NALF1: variants seen among roughly 807,000 people sequenced by gnomAD.
NALF1 encodes the protein NALCN channel auxiliary factor 1, also known as family with sequence similarity 155 member A.
In NALF1, 3 loss-of-function variants were observed where a neutral mutation model predicts 48.4. The observed-to-expected ratio is 0.06, with a 90% CI of 0.03 to 0.16. The LOEUF (loss-of-function observed/expected upper bound fraction) is 0.16. Among genes scored for constraint, NALF1 ranks in the 10% least tolerant of loss-of-function variants. NALF1 has a pLI of 1.00. For synonymous variants in NALF1, 262 were observed against 245.7 expected, an observed-to-expected ratio of 1.07 and a Z score of -0.62; for missense variants, 526 against 571.5, an observed-to-expected ratio of 0.92 and a Z score of 0.81.
intron 1 of NALF1, among the ~76,000 whole-genome samples, chr13:107,722,852 C>A (rs984148606): frequency 4.6e-5 from 7 of 152,194 alleles, no homozygotes; most frequent in African/African-American, 1.7e-4. Context: ...GGTTTCAGCG[C>A]GCACCTTCCC....
At chr13:107,794,039 GGAGA>G (rs1878331577) in intron 1 of NALF1, among the ~76,000 whole-genome samples, 1 of 152,036 alleles carries the variant, frequency 6.6e-6, no homozygotes, top group African/African-American at 2.4e-5. Flanking sequence ...ATTCCAAACA[GGAGA>G]GAGAATTTCA....
intron 1 of NALF1, among the ~76,000 whole-genome samples, chr13:107,712,274 T>C (rs1216088492): frequency 1.3e-5 from 2 of 152,192 alleles, no homozygotes; most frequent in African/African-American, 4.8e-5. Context: ...ATTCTTCCTT[T>C]TTCTGCTCTC....
chr13:107,473,205 T>G (rs1885127781), intron 1 of NALF1, among the ~76,000 whole-genome samples: 1 of 152,164 alleles, frequency 6.6e-6, no homozygotes, highest in Non-Finnish European at 1.5e-5. Flanking sequence ...CTGACTGATC[T>G]TTTTCATGAG....
chr13:107,676,844 C>A (rs1352498304), intron 1 of NALF1, among the ~76,000 whole-genome samples: 1 of 151,948 alleles, frequency 6.6e-6, no homozygotes, highest in Non-Finnish European at 1.5e-5. Context: ...CTTTAAAAAT[C>A]ATATAAATCA....
At chr13:107,722,699 G>T (rs551495182) in intron 1 of NALF1, among the ~76,000 whole-genome samples, 3 of 152,158 alleles carry the variant, frequency 2.0e-5, no homozygotes, top group Admixed American at 6.5e-5. Flanking sequence ...CTCCACTCGT[G>T]GGGGGTCAGG....
intron 1 of NALF1, among the ~76,000 whole-genome samples, chr13:107,405,779 TA>T (rs1221832082): frequency 6.6e-6 from 1 of 151,994 alleles, no homozygotes; most frequent in Non-Finnish European, 1.5e-5. Context: ...TAAAAAAAAC[TA>T]CAGAATGGAG....
Position 107,576,698 on chromosome 13 carries a change from A to AAAG in NALF1, c.915+288983_915+288984insCTT, listed in dbSNP as rs111376072. Among the ~76,000 whole-genome samples, 1,181 of 152,354 alleles carry AAAG rather than the reference A, an allele frequency of 7.8e-3. 15 individuals carry two copies. Among genetic ancestry groups the AAAG allele is most frequent in the African/African-American group, 0.026 (1,083 of 41,586 alleles). On this transcript the variant is annotated intron_variant, in intron 1 of 2. Transcript: ENST00000375915. ...TGAAATTCGGTAGAATCAGCCAGAC[A>AAAG]AATTGGAAAGGCCATTCTAGGAGGA...
intron 1 of NALF1, among the ~76,000 whole-genome samples, chr13:107,772,501 A>G (rs1877608528): frequency 6.6e-6 from 1 of 152,194 alleles, no homozygotes; most frequent in Admixed American, 6.5e-5. Context: ...GATAAGTTCA[A>G]TGTAAAACAT....
At chr13:107,518,733 A>C (rs1876141121) in intron 1 of NALF1, among the ~76,000 whole-genome samples, 1 of 152,210 alleles carries the variant, frequency 6.6e-6, no homozygotes, top group African/African-American at 2.4e-5. Flanking sequence ...ACCTAGCCAG[A>C]AATTGCCCAT....
chr13:107,416,013 C>CTT (rs200025051), intron 1 of NALF1, among the ~76,000 whole-genome samples: 5 of 139,942 alleles, frequency 3.6e-5, no homozygotes, highest in East Asian at 2.1e-4. Context: ...ATTTTTTTTT[C>CTT]TTTTTTTTTT....
chr13:107,467,394 T>C (rs1403977844), intron 1 of NALF1, among the ~76,000 whole-genome samples: 1 of 152,186 alleles, frequency 6.6e-6, no homozygotes, highest in African/African-American at 2.4e-5. Context: ...CTTAATTTCA[T>C]GGTTAAAAAA....
intron 2 of NALF1, among the ~76,000 whole-genome samples, chr13:107,206,561 A>G (rs914701003): frequency 6.6e-6 from 1 of 152,240 alleles, no homozygotes; most frequent in Non-Finnish European, 1.5e-5. Context: ...CAAAATGGTA[A>G]ATAACTCCTG....
chr13:107,213,732 T>C (rs1391867299), intron 1 of NALF1, among the ~76,000 whole-genome samples: 1 of 152,184 alleles, frequency 6.6e-6, no homozygotes, highest in Non-Finnish European at 1.5e-5. Flanking sequence ...AAAGTTCGCA[T>C]GGGAAGTAAA....
At chr13:107,518,695 G>T (rs1490715445) in intron 1 of NALF1, among the ~76,000 whole-genome samples, 3 of 152,106 alleles carry the variant, frequency 2.0e-5, no homozygotes, top group African/African-American at 7.2e-5. Flanking sequence ...AATGATCACT[G>T]CTTTAGAAGA....
intron 1 of NALF1, among the ~76,000 whole-genome samples, chr13:107,220,033 T>C (rs561517512): frequency 1.3e-5 from 2 of 151,582 alleles, no homozygotes; most frequent in East Asian, 2.0e-4. Context: ...GAGTGCATGA[T>C]TGCCACCCTA....
intron 1 of NALF1, among the ~76,000 whole-genome samples, chr13:107,384,507 A>AT (rs1394175548): frequency 6.6e-6 from 1 of 151,926 alleles, no homozygotes; most frequent in African/African-American, 2.4e-5. Flanking sequence ...GGTTTTTTTT[A>AT]TTTTTTTGCT....
At chr13:107,706,091 G>T (rs1881940033) in intron 1 of NALF1, among the ~76,000 whole-genome samples, 2 of 152,042 alleles carry the variant, frequency 1.3e-5, no homozygotes, top group Admixed American at 1.3e-4. Flanking sequence ...CCGGATAAAA[G>T]GCACATTATT....
chr13:107,607,471 T>G (rs536719583), intron 1 of NALF1, among the ~76,000 whole-genome samples: 1 of 152,302 alleles, frequency 6.6e-6, no homozygotes, highest in Non-Finnish European at 1.5e-5. Flanking sequence ...AGAGGAAGGT[T>G]CTTCGAAACT....
intron 2 of NALF1, among the ~76,000 whole-genome samples, chr13:107,186,961 C>T (rs567794091): frequency 3.5e-4 from 53 of 152,126 alleles, no homozygotes; most frequent in Non-Finnish European, 6.8e-4. Context: ...ATTTTCTTGT[C>T]GGCCATTGGT....
Sources: allele counts gnomAD v4.1 joint callset (sites outside exome capture counted in the v4.1 genomes callset), GRCh38; gene constraint gnomAD v4.1.1; transcripts MANE v1.5; gene names NCBI Gene and HGNC (gene_info 2026-07-23, HGNC 2026-07-21).